ZFAND6: variants seen among roughly 807,000 people sequenced by gnomAD.
ZFAND6 encodes AN1-type zinc finger protein 6.
In ZFAND6, 12 loss-of-function variants were observed where a neutral mutation model predicts 24.5. The ratio of observed to expected loss-of-function variants is 0.49; its 90% CI spans 0.31 to 0.79. ZFAND6 has a LOEUF of 0.79. Ranked by LOEUF, ZFAND6 falls within the 30% of genes least tolerant of loss-of-function variation. The pLI is 0.04. For missense variants in ZFAND6, 207 were observed against 245.9 expected (o/e 0.84, Z 1.06); for synonymous variants, 92 against 81.5 (o/e 1.13, Z -0.69).
chr15:80,068,615 G>A (rs1409938688), intron 1 of ZFAND6, among the ~76,000 whole-genome samples: 4 of 152,116 alleles, frequency 2.6e-5, no homozygotes, highest in African/African-American at 4.8e-5. Flanking sequence ...CAGGTGATCC[G>A]CCCACTGTGG....
chr15:80,137,237 A>G (rs1403529453), intron 6 of ZFAND6, among the ~76,000 whole-genome samples: 2 of 152,256 alleles, frequency 1.3e-5, no homozygotes, highest in African/African-American at 4.8e-5. Context: ...AATTGTTGCC[A>G]TATCACAGGT....
chr15:80,102,075 C>G (rs1242091721), intron 2 of ZFAND6, among the ~76,000 whole-genome samples: 1 of 151,490 alleles, frequency 6.6e-6, no homozygotes, highest in Non-Finnish European at 1.5e-5. Flanking sequence ...GGATTATAAG[C>G]ATGAGCCACC....
intron 1 of ZFAND6, among the ~76,000 whole-genome samples, chr15:80,083,166 A>AT (rs2037780080): frequency 6.6e-6 from 1 of 151,616 alleles, no homozygotes; most frequent in Non-Finnish European, 1.5e-5. Context: ...TAATTTTTGT[A>AT]TTTTTTAGTA....
intron 2 of ZFAND6, among the ~76,000 whole-genome samples, chr15:80,116,079 G>A (rs1199656585): frequency 6.6e-6 from 1 of 150,692 alleles, no homozygotes; most frequent in Non-Finnish European, 1.5e-5. Flanking sequence ...TCCCTAAGGA[G>A]CCTTTTTAGG....
intron 2 of ZFAND6, among the ~76,000 whole-genome samples, chr15:80,114,723 TTAA>T (rs1460274386): frequency 2.0e-5 from 3 of 152,228 alleles, no homozygotes; most frequent in African/African-American, 7.2e-5. Flanking sequence ...TGTCAGAATT[TTAA>T]TAATTGGTAA....
intron 5 of ZFAND6, among the ~76,000 whole-genome samples, chr15:80,127,614 A>C (rs1035457174): frequency 6.8e-6 from 1 of 146,100 alleles, no homozygotes; most frequent in Admixed American, 6.9e-5. Flanking sequence ...AAAAAAAAAA[A>C]ACCATGCTCA....
At chr15:80,100,536 T>C (rs2038975727) in intron 2 of ZFAND6, among the ~76,000 whole-genome samples, 1 of 152,230 alleles carries the variant, frequency 6.6e-6, no homozygotes, top group Non-Finnish European at 1.5e-5. Flanking sequence ...CTCAAGGGGA[T>C]AAAGTTAGAA....
At chr15:80,115,041 A>G (rs1431965701) in intron 2 of ZFAND6, 1 of 152,050 alleles carries the variant, frequency 6.6e-6, no homozygotes, top group African/African-American at 2.4e-5. Context: ...AAAGACACTG[A>G]CTTAGCTGCT....
At chr15:80,131,130 G>A in intron 5 of ZFAND6, 50 bp from the exon 6 acceptor site, 1 of 1,449,442 alleles carries the variant, frequency 6.9e-7, no homozygotes, top group Non-Finnish European at 9.4e-7. Context: ...ATGAGGAATA[G>A]CAAAATCTTA....
rs569341963 is a variant in ZFAND6 at position 80,092,819 on chromosome 15, AAAG to A, written c.-180-5593_-180-5591del. Among the ~76,000 whole-genome samples the A allele has an allele frequency of 1.6e-3, 237 of 152,306 alleles. 1 individual carries two copies. The highest frequency in any genetic ancestry group is 5.5e-3 in the African/African-American group (227 of 41,566). On this transcript the variant is annotated intron_variant, in intron 1 of 6. Transcript: ENST00000261749. ...ATTTTGAGCATTTTAATTTTGTGGT[AAAG>A]AAGCAAAAATGTTTCAAATGAATTA...
At chr15:80,135,810 C>G (rs925966998) in intron 6 of ZFAND6, among the ~76,000 whole-genome samples, 4 of 151,894 alleles carry the variant, frequency 2.6e-5, no homozygotes, top group Admixed American at 2.6e-4. Flanking sequence ...TTTGCCCATA[C>G]CTTAGCACAT....
At chr15:80,063,911 C>T (rs1166764368) in intron 1 of ZFAND6, among the ~76,000 whole-genome samples, 1 of 152,188 alleles carries the variant, frequency 6.6e-6, no homozygotes. Flanking sequence ...TGGTCTTGAA[C>T]TCCTGGCCTC....
At chr15:80,112,760 A>G in intron 2 of ZFAND6, 1 of 455,980 alleles carries the variant, frequency 2.2e-6, no homozygotes, top group South Asian at 1.5e-5. Flanking sequence ...ATGTCTCTTT[A>G]TTACCCATGT....
In ZFAND6 at chr15:80,120,350, T is replaced by C. The variant is rs764201147; in HGVS notation, c.6T>C (p.Ala2=). The part of the protein sequence containing the change: M[A]QETNHSQVPM... ...CAGGTGTGCAACTGAGGAACATGGCTCAAGAAACTAATCACAGCCAAGTGC... is the reference window on the plus strand; with the variant it reads ...CAGGTGTGCAACTGAGGAACATGGCCCAAGAAACTAATCACAGCCAAGTGC... The change falls in exon 3 of 7, where the codon GCT becomes GCC. Residue 2 remains alanine (A), a synonymous_variant. Coordinates refer to ENST00000261749, the MANE Select transcript of ZFAND6 (RefSeq NM_019006.4). 2 of 1,572,826 alleles carry C rather than the reference T, an allele frequency of 1.3e-6. No homozygotes were observed. Among genetic ancestry groups the C allele is most frequent in the Non-Finnish European group, 1.7e-6 (2 of 1,157,582 alleles).
intron 2 of ZFAND6, among the ~76,000 whole-genome samples, chr15:80,108,119 G>T (rs1426658532): frequency 1.3e-5 from 2 of 152,170 alleles, no homozygotes; most frequent in Non-Finnish European, 2.9e-5. Context: ...TAAGTGCTTG[G>T]CACATAAAGT....
intron 5 of ZFAND6, among the ~76,000 whole-genome samples, chr15:80,124,644 C>T (rs973290899): frequency 3.3e-5 from 5 of 151,994 alleles, no homozygotes; most frequent in Non-Finnish European, 7.4e-5. Flanking sequence ...TCCACTTAGC[C>T]CTGAGTATAT....
intron 2 of ZFAND6, among the ~76,000 whole-genome samples, chr15:80,103,971 C>T (rs1026651118): frequency 1.3e-5 from 2 of 152,112 alleles, no homozygotes; most frequent in Non-Finnish European, 2.9e-5. Flanking sequence ...ACCATAGGCT[C>T]CTGAGTAGCT....
chr15:80,118,583 T>C (rs543891019), intron 2 of ZFAND6, among the ~76,000 whole-genome samples: 1 of 152,294 alleles, frequency 6.6e-6, no homozygotes, highest in Non-Finnish European at 1.5e-5. Flanking sequence ...TATATACATA[T>C]GTATATATTT....
intron 5 of ZFAND6, among the ~76,000 whole-genome samples, chr15:80,126,793 A>G (rs190797855): frequency 1.1e-4 from 17 of 152,354 alleles, no homozygotes; most frequent in African/African-American, 3.8e-4. Context: ...ATTGAGCTAC[A>G]TCAAAATAAA....
Sources: allele counts gnomAD v4.1 joint callset (sites outside exome capture counted in the v4.1 genomes callset), GRCh38; gene constraint gnomAD v4.1.1; transcripts MANE v1.5; gene names NCBI Gene and HGNC (gene_info 2026-07-23, HGNC 2026-07-21).